Variants in AKAP13 observed in about 807,000 individuals in gnomAD.
AKAP13 encodes A-kinase anchoring protein 13, also known as A-kinase anchor protein 13.
In AKAP13, 80 loss-of-function variants were observed where a neutral mutation model predicts 264.5. That is an observed-to-expected ratio of 0.30 (90% CI 0.25 to 0.36). AKAP13 has a LOEUF of 0.36. Ranked by LOEUF, AKAP13 falls within the 10% of genes least tolerant of loss-of-function variation. AKAP13 has a pLI of 1.00. For synonymous variants in AKAP13, 1,380 were observed against 1,250.2 expected (o/e 1.10, Z -2.19); for missense variants, 3,712 against 3,435.2 (o/e 1.08, Z -2.01).
chr15:85,744,133 G>C, intron 36 of AKAP13: 1 of 379,840 alleles, frequency 2.6e-6, no homozygotes, highest in Non-Finnish European at 4.8e-6. Context: ...TCTGGGCCTA[G>C]AGTAGTCATT....
chr15:85,482,541 A>G (rs2075383482), intron 1 of AKAP13, among the ~76,000 whole-genome samples: 1 of 152,198 alleles, frequency 6.6e-6, no homozygotes, highest in African/African-American at 2.4e-5. Flanking sequence ...GGCTCGAGGT[A>G]TAGGGCAAGT....
At chr15:85,666,684 C>T (rs1183329845) in intron 13 of AKAP13, among the ~76,000 whole-genome samples, 1 of 152,160 alleles carries the variant, frequency 6.6e-6, no homozygotes, top group Non-Finnish European at 1.5e-5. Flanking sequence ...AAAGTGCTGG[C>T]ATTACAGGTG....
chr15:85,561,273 G>A (rs1029827738), intron 5 of AKAP13, among the ~76,000 whole-genome samples: 5 of 152,190 alleles, frequency 3.3e-5, no homozygotes, highest in Middle Eastern at 3.4e-3. Context: ...GGCCAGGCTG[G>A]TCTCGAACTC....
intron 29 of AKAP13, among the ~76,000 whole-genome samples, chr15:85,728,439 T>G (rs1159706596): frequency 1.3e-5 from 2 of 152,188 alleles, no homozygotes; most frequent in African/African-American, 4.8e-5. Context: ...AAAATCTTCC[T>G]TCTTTAAATT....
rs60271542 is a variant in AKAP13 at position 85,546,321 on chromosome 15, AACACACACACACAC to A, written c.662+2392_662+2405del. 1.4e-3 allele frequency among the ~76,000 whole-genome samples: 210 copies of A among 145,286 alleles called. 2 individuals carry two copies. The highest frequency in any genetic ancestry group is 4.7e-3 in the African/African-American group (186 of 39,390). On this transcript the variant is annotated intron_variant, in intron 5 of 36. Transcript: ENST00000394518. ...TAAATTTATATAATTGTTGTTACCAAACACACACACACACACACACACACACACACACACACACA... is the reference window on the plus strand; with the variant it reads ...TAAATTTATATAATTGTTGTTACCAAACACACACACACACACACACACACA...
intron 20 of AKAP13, 115 bp from the exon 21 acceptor site, chr15:85,717,175 C>A: frequency 1.6e-6 from 1 of 608,302 alleles, no homozygotes. Context: ...TGTCTTCAGT[C>A]ACTGTAGTAC....
At position 85,727,095 on chromosome 15, in the gene AKAP13, G is replaced by A. The variant is rs753351984; in HGVS notation, c.6852G>A (p.Lys2284=). ...LDQKSTVISL[K]KLIVREVAHE... ...AGAAGTCAACAGTGATCTCTTTAAA[G>A]AAGCTGATTGTGAGAGAAGTGGCAC... Residue 2284 remains lysine, a synonymous_variant, in exon 28 of 37, where the codon AAG becomes AAA. Transcript: ENST00000394518. The surrounding 1 kb of genome is among the most constrained non-coding windows in gnomAD (Gnocchi z 5.3). The A allele has an allele frequency of 6.2e-6, 10 of 1,614,040 alleles. No homozygotes were observed. In the Admixed American group the frequency reaches 1.0e-4, roughly 16 times the overall value.
At chr15:85,497,585 C>T (rs1006117246) in intron 2 of AKAP13, among the ~76,000 whole-genome samples, 4 of 152,118 alleles carry the variant, frequency 2.6e-5, no homozygotes, top group African/African-American at 7.2e-5. Context: ...TGAAGGATAC[C>T]TGGAGATGAG....
chr15:85,406,893 G>A (rs921451318), intron 1 of AKAP13, among the ~76,000 whole-genome samples: 3 of 151,676 alleles, frequency 2.0e-5, no homozygotes, highest in African/African-American at 7.3e-5. Context: ...ATATGAGACA[G>A]CATATTATGG....
intron 1 of AKAP13, among the ~76,000 whole-genome samples, chr15:85,399,436 C>T (rs1224205727): frequency 2.2e-5 from 3 of 138,784 alleles, no homozygotes; most frequent in African/African-American, 8.3e-5. Flanking sequence ...GCGGAGCTTG[C>T]AGTGAGCCGA....
intron 1 of AKAP13, among the ~76,000 whole-genome samples, chr15:85,453,982 A>G (rs2074188425): frequency 6.6e-6 from 1 of 152,212 alleles, no homozygotes; most frequent in Non-Finnish European, 1.5e-5. Flanking sequence ...CAAAGCACAA[A>G]GGCTGGAATG....
intron 3 of AKAP13, among the ~76,000 whole-genome samples, chr15:85,526,446 T>C (rs1367097444): frequency 2.6e-5 from 4 of 151,744 alleles, no homozygotes; most frequent in Non-Finnish European, 5.9e-5. Context: ...CTGGCACGTG[T>C]GTGTGTGTGT....
intron 2 of AKAP13, among the ~76,000 whole-genome samples, chr15:85,499,567 T>C (rs2075984270): frequency 6.6e-6 from 1 of 152,218 alleles, no homozygotes; most frequent in African/African-American, 2.4e-5. Flanking sequence ...GTACTTCAGG[T>C]AAACCAATTC....
chr15:85,561,250 G>T (rs2078365627), intron 5 of AKAP13, among the ~76,000 whole-genome samples: 1 of 151,938 alleles, frequency 6.6e-6, no homozygotes, highest in Non-Finnish European at 1.5e-5. Flanking sequence ...TAGAGACGGG[G>T]TTTCACCGCA....
chr15:85,688,746 C>T (rs1324194336), intron 16 of AKAP13, among the ~76,000 whole-genome samples: 2 of 152,082 alleles, frequency 1.3e-5, no homozygotes, highest in Non-Finnish European at 2.9e-5. Context: ...GTCCTTGATC[C>T]TATGTCCTTT....
Position 85,723,274 on chromosome 15 carries a change from A to G in AKAP13, c.6699A>G (p.Val2233=), listed in dbSNP as rs1272712316. The change falls in exon 26 of 37, where the codon GTA becomes GTG. Residue 2233 remains valine, a synonymous_variant. Coordinates refer to ENST00000394518, the MANE Select transcript of AKAP13 (RefSeq NM_007200.5). ...AAGATTTGAAACGGAAGAAGCTTGT[A>G]CGTGATGGGAGTGTGTTTCTGAAGA... ...AKEDLKRKKL[V]RDGSVFLKNA... 16 of 1,614,034 alleles carry G rather than the reference A, an allele frequency of 9.9e-6. No homozygotes were observed. The highest frequency in any genetic ancestry group is 1.4e-5 in the Non-Finnish European group (16 of 1,179,990).
intron 8 of AKAP13, among the ~76,000 whole-genome samples, chr15:85,601,648 G>GTGTGTGTGTGTT (rs1228684653): frequency 6.8e-6 from 1 of 147,668 alleles, no homozygotes; most frequent in Admixed American, 6.9e-5. Flanking sequence ...GTGTGTGTGT[G>GTGTGTGTGTGTT]TTTTTCTTCC....
chr15:85,681,734 T>TTTTTTTTTTTTTTTTTTTG (rs1442248543), intron 14 of AKAP13, among the ~76,000 whole-genome samples: 1 of 151,224 alleles, frequency 6.6e-6, no homozygotes, highest in Non-Finnish European at 1.5e-5. Context: ...CTAGATCTTA[T>TTTTTTTTTTTTTTTTTTTG]AGAAACATAT....
intron 8 of AKAP13, among the ~76,000 whole-genome samples, chr15:85,637,131 G>C (rs865950910): frequency 6.6e-6 from 1 of 152,138 alleles, no homozygotes; most frequent in Admixed American, 6.5e-5. Context: ...ATATCTGTCT[G>C]GTTTTGATTT....
Sources: allele counts gnomAD v4.1 joint callset (sites outside exome capture counted in the v4.1 genomes callset), GRCh38; gene constraint gnomAD v4.1.1; non-coding constraint Gnocchi (gnomAD v3.1); transcripts MANE v1.5; gene names NCBI Gene and HGNC (gene_info 2026-07-23, HGNC 2026-07-21).